Variants in KDM4C observed in about 807,000 individuals in gnomAD.
KDM4C encodes the protein lysine demethylase 4C, also known as lysine-specific demethylase 4C.
Under a neutral mutation model 129.3 loss-of-function variants are expected in KDM4C, and 81 were observed. That is an observed-to-expected ratio of 0.63 (90% CI 0.52 to 0.75). The LOEUF is 0.75. Ranked by LOEUF, KDM4C falls within the 30% of genes least tolerant of loss-of-function variation. KDM4C has a pLI of 0.00. For synonymous variants in KDM4C, 573 were observed against 456.1 expected (o/e 1.26, Z -3.26); for missense variants, 1,457 against 1,304.0 (o/e 1.12, Z -1.81).
intron 4 of KDM4C, among the ~76,000 whole-genome samples, chr9:6,843,668 G>C (rs567345458): frequency 5.3e-5 from 8 of 152,290 alleles, no homozygotes; most frequent in African/African-American, 1.4e-4. Context: ...GCCAGCATTT[G>C]GTTGGAGAAC....
chr9:7,067,012 G>A (rs1222297787), intron 17 of KDM4C, among the ~76,000 whole-genome samples: 2 of 152,096 alleles, frequency 1.3e-5, no homozygotes, highest in Non-Finnish European at 1.5e-5. Flanking sequence ...GAAACAACAA[G>A]GAAATTTATA....
intron 1 of KDM4C, among the ~76,000 whole-genome samples, chr9:6,733,131 C>G (rs1817407548): frequency 6.6e-6 from 1 of 152,216 alleles, no homozygotes; most frequent in South Asian, 2.1e-4. Flanking sequence ...TTGTAACTGA[C>G]AAGTTTTCTG....
chr9:6,730,518 G>A (rs892353916), intron 1 of KDM4C, among the ~76,000 whole-genome samples: 2 of 152,072 alleles, frequency 1.3e-5, no homozygotes, highest in Admixed American at 6.6e-5. Flanking sequence ...GGGAGGCTGA[G>A]GCAGGAGAAT....
Position 7,015,849 on chromosome 9 carries a change from A to G in KDM4C, c.2183-4A>G, listed in dbSNP as rs762888040. ...ACGCATGGATACATACTATTATTTTATAGGTTGTTATGGTATTCCTTCTCA... is the reference window on the plus strand; with the variant it reads ...ACGCATGGATACATACTATTATTTTGTAGGTTGTTATGGTATTCCTTCTCA... On this transcript the variant is annotated splice_polypyrimidine_tract_variant and splice_region_variant and intron_variant, in intron 14 of 21. Transcript: ENST00000381309. The G allele has an allele frequency of 3.1e-6, 5 of 1,602,434 alleles. No homozygotes were observed. In the African/African-American group the frequency reaches 4.0e-5, roughly 13 times the overall value.
intron 1 of KDM4C, among the ~76,000 whole-genome samples, chr9:6,749,200 G>A (rs916670718): frequency 6.6e-6 from 1 of 152,102 alleles, no homozygotes; most frequent in African/African-American, 2.4e-5. Context: ...TGTATTTTTA[G>A]TAGAAATGGG....
chr9:7,064,838 C>T (rs1454050501), intron 17 of KDM4C, among the ~76,000 whole-genome samples: 6 of 152,140 alleles, frequency 3.9e-5, no homozygotes, highest in African/African-American at 1.4e-4. Context: ...GGACAGTGAA[C>T]AACTGTCTTC....
intron 17 of KDM4C, among the ~76,000 whole-genome samples, chr9:7,080,880 C>A (rs1052339755): frequency 1.3e-5 from 2 of 152,106 alleles, no homozygotes; most frequent in Admixed American, 6.6e-5. Context: ...GTTCACTGAC[C>A]ACTAGTTTAT....
chr9:7,145,169 GAGTT>G (rs1270562814), intron 19 of KDM4C, among the ~76,000 whole-genome samples: 1 of 99,004 alleles, frequency 1.0e-5, no homozygotes, highest in Non-Finnish European at 2.4e-5. Context: ...TGACATTATA[GAGTT>G]AAAGGTGCGT....
At chr9:6,817,863 T>TTTAAGCTA (rs1443720828) in intron 4 of KDM4C, among the ~76,000 whole-genome samples, 1 of 149,110 alleles carries the variant, frequency 6.7e-6, no homozygotes, top group African/African-American at 2.5e-5. Flanking sequence ...GACTCCTTGG[T>TTTAAGCTA]TTAAGCTATT....
chr9:6,817,893 A>G (rs1387810069), intron 4 of KDM4C, among the ~76,000 whole-genome samples: 1 of 151,098 alleles, frequency 6.6e-6, no homozygotes, highest in East Asian at 2.0e-4. Context: ...CAGCCTCCCA[A>G]GTAGCTGGGA....
rs773744180 is a variant in KDM4C, at chr9:6,984,229, T to A, written c.1179T>A (p.Asp393Glu). ...CTGATGAGGAAGAGGAAGTGTCAGA[T>A]GAAGTCGATGGGGCAGAGGTCCCTA... is the stretch of plus-strand genomic sequence containing the variant. ...PKADEEEEVS[D>E]EVDGAEVPNP... Residue 393 changes from aspartate (D) to glutamate (E), a missense_variant, in exon 10 of 22, where the codon GAT becomes GAA. By Grantham distance (45) the Asp-to-Glu change is conservative. Coordinates refer to ENST00000381309, the MANE Select transcript of KDM4C (RefSeq NM_015061.6). The A allele has an allele frequency of 5.0e-6, 8 of 1,613,924 alleles. No homozygotes were observed. In the South Asian group the frequency reaches 7.7e-5, roughly 16 times the overall value.
At chr9:7,018,357 A>AT (rs1430538703) in intron 15 of KDM4C, among the ~76,000 whole-genome samples, 1 of 152,242 alleles carries the variant, frequency 6.6e-6, no homozygotes, top group African/African-American at 2.4e-5. Context: ...TATGTGACAC[A>AT]TGACCATATT....
intron 2 of KDM4C, among the ~76,000 whole-genome samples, chr9:6,798,576 G>C (rs1358395360): frequency 6.6e-6 from 1 of 152,116 alleles, no homozygotes; most frequent in East Asian, 1.9e-4. Context: ...AGATCAACAG[G>C]ATCCCAAGGC....
intron 1 of KDM4C, among the ~76,000 whole-genome samples, chr9:6,734,298 T>G (rs1342428869): frequency 2.0e-5 from 3 of 146,414 alleles, no homozygotes; most frequent in Non-Finnish European, 3.0e-5. Flanking sequence ...GTTTTTTTTT[T>G]TTTTTTTTTT....
intron 19 of KDM4C, among the ~76,000 whole-genome samples, chr9:7,162,144 G>A (rs1843866925): frequency 6.6e-6 from 1 of 152,192 alleles, no homozygotes. Flanking sequence ...TGAGAATCGT[G>A]CCCCCTGGTT....
At chr9:6,927,630 C>G (rs951164971) in intron 8 of KDM4C, among the ~76,000 whole-genome samples, 1 of 152,158 alleles carries the variant, frequency 6.6e-6, no homozygotes, top group Non-Finnish European at 1.5e-5. Flanking sequence ...CTTCCAGGGA[C>G]CACACGAAAC....
chr9:7,046,187 G>T (rs1025207376), intron 15 of KDM4C, among the ~76,000 whole-genome samples: 1 of 151,894 alleles, frequency 6.6e-6, no homozygotes, highest in Non-Finnish European at 1.5e-5. Context: ...AGTCATCTTG[G>T]AGTAGAAAAT....
intron 12 of KDM4C, among the ~76,000 whole-genome samples, chr9:6,993,904 C>T (rs774548518): frequency 5.3e-5 from 8 of 152,190 alleles, no homozygotes; most frequent in Non-Finnish European, 1.2e-4. Context: ...GCTGCCTGCT[C>T]TCTCTAGCTT....
chr9:6,769,386 C>T (rs372763238), intron 1 of KDM4C, among the ~76,000 whole-genome samples: 1 of 151,792 alleles, frequency 6.6e-6, no homozygotes, highest in Non-Finnish European at 1.5e-5. Context: ...GAGAGCCTAG[C>T]AAAGAGGTCA....
Sources: allele counts gnomAD v4.1 joint callset (sites outside exome capture counted in the v4.1 genomes callset), GRCh38; gene constraint gnomAD v4.1.1; transcripts MANE v1.5; gene names NCBI Gene and HGNC (gene_info 2026-07-23, HGNC 2026-07-21).